MGAT4C: variants seen among roughly 807,000 people sequenced by gnomAD.
MGAT4C encodes MGAT4 family member C, also known as alpha-1,3-mannosyl-glycoprotein 4-beta-N-acetylglucosaminyltransferase C.
MGAT4C carries 19 observed loss-of-function variants against 40.1 expected under a neutral mutation model. The ratio of observed to expected loss-of-function variants is 0.47; its 90% CI spans 0.33 to 0.70. MGAT4C has a LOEUF of 0.70. Ranked by LOEUF, MGAT4C falls within the 30% of genes least tolerant of loss-of-function variation. The pLI, the probability that MGAT4C is intolerant of heterozygous loss-of-function variation, is 0.02. For missense variants in MGAT4C, 491 were observed against 563.2 expected (o/e 0.87, Z 1.30); for synonymous variants, 181 against 187.1 (o/e 0.97, Z 0.27).
At chr12:86,768,318 A>T (rs1951555273) in intron 1 of MGAT4C, among the ~76,000 whole-genome samples, 1 of 152,200 alleles carries the variant, frequency 6.6e-6, no homozygotes, top group African/African-American at 2.4e-5. Context: ...GAGGGATGTG[A>T]AGGACCTCTT....
intron 4 of MGAT4C, among the ~76,000 whole-genome samples, chr12:86,301,202 G>A (rs1486806186): frequency 1.3e-5 from 2 of 152,154 alleles, no homozygotes; most frequent in East Asian, 3.9e-4. Context: ...AGAGGAAAGA[G>A]ATAATGTTAA....
In MGAT4C at chr12:86,618,452, G is replaced by A. The variant is rs541199865; in HGVS notation, c.-229+108757C>T. On this transcript the variant is annotated intron_variant, in intron 2 of 7. Coordinates refer to the MGAT4C transcript ENST00000548651. ...GTTCATCAACAGATGAATAGGTAAA[G>A]AAAATGTGGTGTATAAATACACAAC... 2.6e-5 allele frequency among the ~76,000 whole-genome samples: 4 copies of A among 152,196 alleles called. No homozygotes were observed. The South Asian group carries it at 8.3e-4, about 32-fold the overall frequency.
chr12:85,984,032 A>G (rs1288668510), intron 3 of MGAT4C, among the ~76,000 whole-genome samples: 2 of 152,210 alleles, frequency 1.3e-5, no homozygotes, highest in Non-Finnish European at 2.9e-5. Flanking sequence ...CAAAATTGAC[A>G]GTAATCTATT....
chr12:86,833,077 TA>T (rs1468263070), intron 1 of MGAT4C, among the ~76,000 whole-genome samples: 4 of 151,878 alleles, frequency 2.6e-5, no homozygotes, highest in African/African-American at 4.8e-5. Context: ...TTTTTTAGGC[TA>T]AAAATAACTG....
intron 3 of MGAT4C, among the ~76,000 whole-genome samples, chr12:86,414,060 T>C (rs781045267): frequency 2.0e-5 from 3 of 151,994 alleles, no homozygotes; most frequent in Non-Finnish European, 4.4e-5. Flanking sequence ...GAAAAATGCT[T>C]ACAGCAAGTT....
In MGAT4C at chr12:85,976,806, A is replaced by G. The variant is rs1481023193; in HGVS notation, c.*2483T>C. On this transcript the variant is annotated 3_prime_UTR_variant, in exon 5 of 5. Coordinates refer to ENST00000611864, the MANE Select transcript of MGAT4C (RefSeq NM_001351288.2). Reference sequence around the variant, plus strand: ...GTTTCTATGCCTCTGAGACAAGATTACTAGACCCTTATTCAAAGTTTCTAA... The same window carrying G: ...GTTTCTATGCCTCTGAGACAAGATTGCTAGACCCTTATTCAAAGTTTCTAA... 4.0e-5 allele frequency: 6 copies of G among 150,646 alleles called. No homozygotes were observed. Among genetic ancestry groups the G allele is most frequent in the African/African-American group, 1.5e-4 (6 of 41,252 alleles). The allele number at this position is 150,646 out of a possible 1,614,324, so 9.3% of individuals were successfully genotyped here. A position where few individuals can be genotyped will look rare whatever the true frequency, so the allele number is the denominator to read the frequency against.
upstream of MGAT4C, among the ~76,000 whole-genome samples, chr12:86,256,949 TTC>T (rs1952537176): frequency 6.6e-6 from 1 of 152,334 alleles, no homozygotes; most frequent in South Asian, 2.1e-4. Flanking sequence ...ATGCATTTTA[TTC>T]TCTGAGTGTT....
chr12:86,050,789 T>C (rs755118381), intron 1 of MGAT4C, among the ~76,000 whole-genome samples: 3 of 152,148 alleles, frequency 2.0e-5, no homozygotes, highest in South Asian at 2.1e-4. Context: ...ATAGTTGCAA[T>C]TGGAGACTGA....
At chr12:86,609,044 C>T (rs1962150852) in intron 2 of MGAT4C, among the ~76,000 whole-genome samples, 1 of 151,812 alleles carries the variant, frequency 6.6e-6, no homozygotes, top group African/African-American at 2.4e-5. Context: ...AAAGAGCATG[C>T]CAAAGAAATT....
chr12:86,585,923 A>G (rs1961010733), intron 2 of MGAT4C, among the ~76,000 whole-genome samples: 1 of 150,720 alleles, frequency 6.6e-6, no homozygotes, highest in African/African-American at 2.4e-5. Flanking sequence ...ACAACACTAC[A>G]AGGTAGGCAC....
chr12:86,075,350 C>T (rs1309967519), intron 1 of MGAT4C, among the ~76,000 whole-genome samples: 3 of 152,154 alleles, frequency 2.0e-5, no homozygotes, highest in African/African-American at 7.2e-5. Context: ...AGATGGGTTC[C>T]CATGGTCTTG....
chr12:86,680,572 G>A (rs1000906977), intron 2 of MGAT4C, among the ~76,000 whole-genome samples: 4 of 151,972 alleles, frequency 2.6e-5, no homozygotes, highest in Non-Finnish European at 4.4e-5. Flanking sequence ...TGGCCATAGG[G>A]TTGCATAGTT....
chr12:86,278,030 A>T (rs1412919452), intron 4 of MGAT4C, among the ~76,000 whole-genome samples: 2 of 152,114 alleles, frequency 1.3e-5, no homozygotes, highest in Non-Finnish European at 2.9e-5. Flanking sequence ...GGGAACATGA[A>T]ATATATTTCC....
intron 2 of MGAT4C, among the ~76,000 whole-genome samples, chr12:86,680,964 C>G (rs561293383): frequency 6.6e-6 from 1 of 152,028 alleles, no homozygotes; most frequent in African/African-American, 2.4e-5. Context: ...TGTGATACAT[C>G]ATGCTCATGG....
intron 2 of MGAT4C, among the ~76,000 whole-genome samples, chr12:86,551,800 CCA>C (rs1959376661): frequency 6.6e-6 from 1 of 152,122 alleles, no homozygotes; most frequent in African/African-American, 2.4e-5. Flanking sequence ...TCAACTTAGG[CCA>C]CTGAGATGCT....
chr12:86,538,379 T>G (rs1487971485), intron 2 of MGAT4C, among the ~76,000 whole-genome samples: 1 of 152,134 alleles, frequency 6.6e-6, no homozygotes, highest in Non-Finnish European at 1.5e-5. Flanking sequence ...AGGACTGCAA[T>G]GGCTGGACAC....
At chr12:86,437,400 T>C (rs1957154841) in intron 2 of MGAT4C, among the ~76,000 whole-genome samples, 1 of 151,772 alleles carries the variant, frequency 6.6e-6, no homozygotes, top group South Asian at 2.1e-4. Context: ...AGTAAATCAA[T>C]TTTTCCACTA....
At chr12:86,344,727 T>C (rs796141890) in intron 3 of MGAT4C, among the ~76,000 whole-genome samples, 2 of 124,118 alleles carry the variant, frequency 1.6e-5, no homozygotes, top group African/African-American at 5.4e-5. Flanking sequence ...GGTGTGTGTG[T>C]GTGTGTGTGT....
At chr12:86,692,254 C>T (rs1950185051) in intron 2 of MGAT4C, among the ~76,000 whole-genome samples, 1 of 152,208 alleles carries the variant, frequency 6.6e-6, no homozygotes, top group African/African-American at 2.4e-5. Flanking sequence ...GTGAAAAATA[C>T]ATTAAGCCTA....
Sources: allele counts gnomAD v4.1 joint callset (sites outside exome capture counted in the v4.1 genomes callset), GRCh38; gene constraint gnomAD v4.1.1; transcripts MANE v1.5; gene names NCBI Gene and HGNC (gene_info 2026-07-23, HGNC 2026-07-21).